The following ZBTB43 variants were observed in gnomAD, a reference collection of about 807,000 sequenced individuals.
ZBTB43 encodes the protein zinc finger and BTB domain-containing protein 43.
Under a neutral mutation model 31.1 loss-of-function variants are expected in ZBTB43, and 6 were observed. The ratio of observed to expected loss-of-function variants is 0.19; its 90% confidence interval spans 0.11 to 0.38. The LOEUF is 0.38. Among genes scored for constraint, ZBTB43 ranks in the 10% least tolerant of loss-of-function variants. ZBTB43 has a pLI of 1.00. For missense variants in ZBTB43, 379 were observed against 602.1 expected, an observed-to-expected ratio of 0.63 and a Z score of 3.88; for synonymous variants, 212 against 221.7, an observed-to-expected ratio of 0.96 and a Z score of 0.39.
intron 2 of ZBTB43, among the ~76,000 whole-genome samples, chr9:126,830,799 C>T (rs1195510931): frequency 1.3e-5 from 2 of 150,944 alleles, no homozygotes; most frequent in Non-Finnish European, 2.9e-5. Context: ...GGCAGGATCT[C>T]TAGCACAGCT....
At chr9:126,829,209 G>A (rs1190710303) in intron 2 of ZBTB43, among the ~76,000 whole-genome samples, 1 of 152,164 alleles carries the variant, frequency 6.6e-6, no homozygotes, top group African/African-American at 2.4e-5. Context: ...CCAGCTGCTT[G>A]AGAGGCTGAG....
intron 2 of ZBTB43, among the ~76,000 whole-genome samples, chr9:126,819,269 C>T (rs13300883): frequency 0.19 from 27,323 of 142,318 alleles, 3,094 homozygotes; most frequent in East Asian, 0.4. Flanking sequence ...TTGTGCTTCA[C>T]GGATATTGCA....
intron 1 of ZBTB43, among the ~76,000 whole-genome samples, chr9:126,807,032 G>T (rs141384673): frequency 1.3e-5 from 2 of 152,080 alleles, no homozygotes; most frequent in Admixed American, 6.6e-5. Context: ...CTTGAGTTTC[G>T]TTATGGGGGA....
chr9:126,836,123 G>A lies in ZBTB43; in HGVS notation c.*2210G>A, dbSNP rs1281073624. The A allele has an allele frequency of 6.0e-6, 1 of 167,078 alleles. No individual in the cohort carries two copies. The highest frequency in any genetic ancestry group is 2.4e-5 in the African/African-American group (1 of 41,432). The allele number at this position is 167,078 out of a possible 1,614,324, so 10.3% of individuals were successfully genotyped here. On this transcript the variant is annotated 3_prime_UTR_variant, in exon 3 of 3. Coordinates refer to ENST00000373464, the MANE Select transcript of ZBTB43 (RefSeq NM_014007.4). Reference sequence around the variant, plus strand: ...CTATTTACATGATCATTAGGACATTGCAGGAGAAGTCTGAGAGGTAAAAAT... The same window carrying A: ...CTATTTACATGATCATTAGGACATTACAGGAGAAGTCTGAGAGGTAAAAAT...
At chr9:126,811,220 A>AG (rs2032241192) in intron 2 of ZBTB43, among the ~76,000 whole-genome samples, 1 of 148,454 alleles carries the variant, frequency 6.7e-6, no homozygotes, top group Non-Finnish European at 1.5e-5. Context: ...TCCATCTCAA[A>AG]AAAAAAAAAA....
At chr9:126,828,198 T>A (rs2032685168) in intron 2 of ZBTB43, among the ~76,000 whole-genome samples, 1 of 151,928 alleles carries the variant, frequency 6.6e-6, no homozygotes, top group African/African-American at 2.4e-5. Flanking sequence ...TTTATTTTTT[T>A]TTTGAGATGG....
intron 2 of ZBTB43, among the ~76,000 whole-genome samples, chr9:126,826,991 A>G (rs2032655913): frequency 6.6e-6 from 1 of 152,154 alleles, no homozygotes; most frequent in Non-Finnish European, 1.5e-5. Flanking sequence ...TTTCTTGTTG[A>G]GAACTGGACA....
chr9:126,823,192 T>C (rs1588361611), intron 2 of ZBTB43, among the ~76,000 whole-genome samples: 1 of 152,240 alleles, frequency 6.6e-6, no homozygotes, highest in East Asian at 1.9e-4. Context: ...CTATCAATTC[T>C]TGAAAGTGGG....
At chr9:126,809,216 G>A (rs761837696) in intron 2 of ZBTB43, among the ~76,000 whole-genome samples, 3 of 152,246 alleles carry the variant, frequency 2.0e-5, no homozygotes, top group East Asian at 1.9e-4. Context: ...TTTCTGAGAC[G>A]TGTAACCACT....
intron 2 of ZBTB43, among the ~76,000 whole-genome samples, chr9:126,813,137 C>A (rs2032285810): frequency 6.6e-6 from 1 of 152,036 alleles, no homozygotes; most frequent in African/African-American, 2.4e-5. Flanking sequence ...TGTGCCACCA[C>A]GCCCGGCTAA....
chr9:126,817,907 C>T (rs1035908416), intron 2 of ZBTB43, among the ~76,000 whole-genome samples: 14 of 151,980 alleles, frequency 9.2e-5, no homozygotes, highest in South Asian at 2.1e-4. Context: ...AGAAATTTAG[C>T]ATGTTGCAGG....
intron 2 of ZBTB43, among the ~76,000 whole-genome samples, chr9:126,829,693 ATT>A (rs5900724): frequency 3.4e-4 from 51 of 150,320 alleles, no homozygotes; most frequent in African/African-American, 5.4e-4. Flanking sequence ...GATGGGAGAG[ATT>A]TTTTTTTTTT....
intron 2 of ZBTB43, among the ~76,000 whole-genome samples, chr9:126,828,645 A>ATTATTATTATTATTATTATTATT (rs1564206207): frequency 1.5e-5 from 2 of 131,522 alleles, no homozygotes; most frequent in African/African-American, 6.9e-5. Context: ...TAATAATAAT[A>ATTATTATTATTATTATTATTATT]ATAATAATAA....
At chr9:126,818,654 G>A (rs976398054) in intron 2 of ZBTB43, among the ~76,000 whole-genome samples, 1 of 152,106 alleles carries the variant, frequency 6.6e-6, no homozygotes, top group Non-Finnish European at 1.5e-5. Context: ...TTCTGTTAAT[G>A]TGCTGTGTTA....
Position 126,834,501 on chromosome 9 carries a change from T to C in ZBTB43, c.*588T>C, listed in dbSNP as rs2119174874. 1 of 167,232 alleles carries C rather than the reference T, an allele frequency of 6.0e-6. No individual in the cohort carries two copies. The highest frequency in any genetic ancestry group is 2.4e-5 in the African/African-American group (1 of 41,576). 10.4% of individuals were successfully genotyped at this position (167,232 alleles called of 1,614,324 possible). A position where few individuals can be genotyped will look rare whatever the true frequency, so the allele number is the denominator to read the frequency against. On this transcript the variant is annotated 3_prime_UTR_variant, in exon 3 of 3. Coordinates refer to ENST00000373464, the MANE Select transcript of ZBTB43 (RefSeq NM_014007.4). ...GATGCTAAGAGAGTGACTTTCTAAA[T>C]ATGAAACAGATAATTTACGGTACAA... is the stretch of plus-strand genomic sequence containing the variant.
Position 126,833,943 on chromosome 9 carries a change from A to G in ZBTB43, c.*30A>G. Reference sequence around the variant, plus strand: ...AGGATCTGGCCCTTGAGTGGCATGCACAAAAATAAACTATGGTAATTAATG... The same window carrying G: ...AGGATCTGGCCCTTGAGTGGCATGCGCAAAAATAAACTATGGTAATTAATG... On this transcript the variant is annotated 3_prime_UTR_variant, in exon 3 of 3. Coordinates refer to ENST00000373464, the MANE Select transcript of ZBTB43 (RefSeq NM_014007.4). This position sits in a 1 kb window ranked among gnomAD's most constrained non-coding sequence, Gnocchi z 7.9. The G allele has an allele frequency of 6.5e-7, 1 of 1,533,290 alleles. No individual in the cohort carries two copies. The highest frequency in any genetic ancestry group is 8.8e-7 in the Non-Finnish European group (1 of 1,133,236). The allele number at this position is 1,533,290 out of a possible 1,614,324, so 95.0% of individuals were successfully genotyped here. A position where few individuals can be genotyped will look rare whatever the true frequency, so the allele number is the denominator to read the frequency against.
At chr9:126,828,540 C>A (rs1191295111) in intron 2 of ZBTB43, among the ~76,000 whole-genome samples, 1 of 149,754 alleles carries the variant, frequency 6.7e-6, no homozygotes, top group African/African-American at 2.4e-5. Context: ...TACCTGTAGC[C>A]CCAGCACTCT....
At chr9:126,816,431 G>A (rs935967548) in intron 2 of ZBTB43, among the ~76,000 whole-genome samples, 2 of 151,996 alleles carry the variant, frequency 1.3e-5, no homozygotes, top group South Asian at 2.1e-4. Flanking sequence ...TTTATTCAGA[G>A]ACTGTGTTTT....
chr9:126,814,928 G>A (rs557145430), intron 2 of ZBTB43, among the ~76,000 whole-genome samples: 9 of 138,064 alleles, frequency 6.5e-5, no homozygotes, highest in East Asian at 2.1e-4. Context: ...ATGGTCTCCT[G>A]TCTCCTGGCT....
Sources: gnomAD v4.1 joint callset for allele counts (sites outside exome capture counted in the v4.1 genomes callset) on GRCh38, gnomAD v4.1.1 for gene constraint, Gnocchi (gnomAD v3.1) non-coding constraint, MANE v1.5 for transcripts, NCBI Gene and HGNC (gene_info 2026-07-23, HGNC 2026-07-21) for gene names.